NRAP: variants seen among roughly 807,000 people sequenced by gnomAD.
NRAP encodes the protein nebulin related anchoring protein.
A neutral mutation model predicts 225.9 loss-of-function variants in NRAP; 189 were observed. The observed-to-expected ratio is 0.84, with a 90% CI of 0.74 to 0.94. The LOEUF is 0.94. Among genes scored for constraint, NRAP ranks in the 40% least tolerant of loss-of-function variants. NRAP has a pLI of 0.00. For synonymous variants in NRAP, 769 were observed against 790.7 expected (o/e 0.97, Z 0.46); for missense variants, 2,176 against 2,168.7 (o/e 1.00, Z -0.07).
chr10:113,594,701 G>T (rs1846186002), intron 38 of NRAP, among the ~76,000 whole-genome samples: 1 of 152,216 alleles, frequency 6.6e-6, no homozygotes, highest in South Asian at 2.1e-4. Context: ...AAGCACCATC[G>T]CATTCACTGC....
chr10:113,618,519 AT>A (rs1847799605), intron 25 of NRAP, among the ~76,000 whole-genome samples: 1 of 152,260 alleles, frequency 6.6e-6, no homozygotes, highest in African/African-American at 2.4e-5. Flanking sequence ...CAGAGGCAAT[AT>A]GACCTACAAA....
chr10:113,600,155 TTCTCTCTCTC>T (rs10529111), intron 35 of NRAP, among the ~76,000 whole-genome samples: 84 of 140,292 alleles, frequency 6.0e-4, no homozygotes, highest in African/African-American at 1.1e-3. Flanking sequence ...AGGGGTTATA[TTCTCTCTCTC>T]TCTCTCTCTC....
At chr10:113,590,094 T>C (rs1418369514) in intron 40 of NRAP, among the ~76,000 whole-genome samples, 1 of 152,132 alleles carries the variant, frequency 6.6e-6, no homozygotes, top group Non-Finnish European at 1.5e-5. Context: ...TCTGTGGCCT[T>C]AGGGAAGCCA....
intron 39 of NRAP, among the ~76,000 whole-genome samples, chr10:113,591,314 C>T (rs1464085671): frequency 6.6e-6 from 1 of 152,236 alleles, no homozygotes; most frequent in African/African-American, 2.4e-5. Context: ...CAGTGCTCCT[C>T]AAACCATCTA....
intron 7 of NRAP, 106 bp from the exon 8 acceptor site, chr10:113,650,651 C>T (rs1286317235): frequency 4.0e-6 from 3 of 756,514 alleles, no homozygotes; most frequent in South Asian, 1.5e-5. Flanking sequence ...CCTGTCATAG[C>T]TCATAAGGCA....
chr10:113,612,382 G>A lies in NRAP; in HGVS notation c.3350C>T (p.Pro1117Leu), dbSNP rs770785299. The change falls in exon 30 of 42, where the codon CCG (proline) becomes CTG (leucine). Residue 1117 changes from proline to leucine, a missense_variant. By Grantham distance (98) the Pro-to-Leu change is moderately conservative. Transcript: ENST00000359988. ...ATGCACCAGGGCGGCCATGTCCAAC[G>A]GCAGATGGAACTGCGCCTTTGAGTG... ...FEHSKAQFHL[P>L]LDMAALVHAK... 1.2e-5 allele frequency: 19 copies of A among 1,614,042 alleles called. No individual in the cohort carries two copies. The highest frequency in any genetic ancestry group is 1.4e-5 in the Non-Finnish European group (17 of 1,180,018).
intron 39 of NRAP, 100 bp from the exon 40 acceptor site, chr10:113,590,989 A>G (rs1845948635): frequency 9.7e-7 from 1 of 1,033,300 alleles, no homozygotes; most frequent in African/African-American, 1.6e-5. Context: ...CAGGAGGCTC[A>G]AGAGTGGGTT....
intron 4 of NRAP, among the ~76,000 whole-genome samples, chr10:113,657,001 C>T (rs10885487): frequency 0.33 from 49,516 of 151,916 alleles, 8,752 homozygotes; most frequent in African/African-American, 0.48. Context: ...TGTCAACAGA[C>T]AGGGGAGGTG....
At chr10:113,648,822 GA>G (rs546602032) in intron 9 of NRAP, among the ~76,000 whole-genome samples, 42 of 152,182 alleles carry the variant, frequency 2.8e-4, no homozygotes, top group African/African-American at 9.4e-4. Flanking sequence ...TACTAATCAA[GA>G]ACCAGCTATG....
At chr10:113,627,739 A>G (rs1036956711) in intron 20 of NRAP, among the ~76,000 whole-genome samples, 2 of 152,252 alleles carry the variant, frequency 1.3e-5, no homozygotes, top group African/African-American at 2.4e-5. Flanking sequence ...CAGATCAAAC[A>G]CACTGGGTAC....
intron 31 of NRAP, among the ~76,000 whole-genome samples, chr10:113,608,795 T>G (rs978811959): frequency 5.3e-5 from 8 of 152,220 alleles, no homozygotes; most frequent in African/African-American, 1.9e-4. Context: ...TTGTGGTTTG[T>G]TCCAGATCTT....
chr10:113,610,367 A>G, intron 31 of NRAP, 92 bp downstream of exon 31: 2 of 679,972 alleles, frequency 2.9e-6, no homozygotes, highest in East Asian at 5.5e-5. Context: ...AAAAAAAAAA[A>G]AAAAAAGGAA....
intron 5 of NRAP, among the ~76,000 whole-genome samples, chr10:113,653,392 A>T (rs888799006): frequency 6.6e-6 from 1 of 152,216 alleles, no homozygotes; most frequent in Non-Finnish European, 1.5e-5. Flanking sequence ...GTACTACAGT[A>T]TTGGAAGTAA....
At chr10:113,642,202 C>T (rs1288156173) in intron 12 of NRAP, among the ~76,000 whole-genome samples, 1 of 152,102 alleles carries the variant, frequency 6.6e-6, no homozygotes, top group African/African-American at 2.4e-5. Flanking sequence ...GGGGAAGGAA[C>T]TATTATCATC....
intron 4 of NRAP, among the ~76,000 whole-genome samples, chr10:113,656,279 A>G (rs1850302801): frequency 6.6e-6 from 1 of 152,220 alleles, no homozygotes; most frequent in African/African-American, 2.4e-5. Context: ...ATCAATTGCC[A>G]ATCAGAAAAC....
intron 41 of NRAP, 72 bp downstream of exon 41, chr10:113,589,594 G>T: frequency 6.5e-7 from 1 of 1,544,520 alleles, no homozygotes; most frequent in Non-Finnish European, 8.7e-7. Flanking sequence ...AATAAACTTT[G>T]AAAAGAAACA....
At chr10:113,642,355 TAC>T (rs1849251800) in intron 12 of NRAP, among the ~76,000 whole-genome samples, 1 of 152,296 alleles carries the variant, frequency 6.6e-6, no homozygotes, top group Admixed American at 6.5e-5. Flanking sequence ...CACTGTGCCT[TAC>T]ACAGTCCCTT....
In NRAP at chr10:113,651,902, C is replaced by A. The variant is rs1849997796; in HGVS notation, c.576G>T (p.Glu192Asp). 6.2e-7 allele frequency: 1 copy of A among 1,606,854 alleles called. No homozygotes were observed. The highest frequency in any genetic ancestry group is 8.5e-7 in the Non-Finnish European group (1 of 1,173,464). Residue 192 changes from glutamate (E) to aspartate (D), a missense_variant, in exon 7 of 42, where the codon GAG (glutamate) becomes GAT (aspartate). Physicochemically the swap from Glu to Asp is conservative, Grantham distance 45. This residue lies in a region of NRAP where 1,708 missense variants were observed against 1,695.5 expected (regional missense o/e 1.01). Coordinates refer to ENST00000359988, the MANE Select transcript of NRAP (RefSeq NM_198060.4). ...TGCGTTCATCATGCCCTCTCTTATA[C>A]TCCACCTGATGAGAAGACAGTAGAG... ...KKANQLASQV[E>D]YKRGHDERIS...
intron 20 of NRAP, among the ~76,000 whole-genome samples, chr10:113,627,222 C>T (rs997944413): frequency 3.3e-5 from 5 of 152,234 alleles, no homozygotes; most frequent in African/African-American, 1.2e-4. Context: ...AAAACTCCTT[C>T]ACCACATAAC....
Sources: gnomAD v4.1 joint callset for allele counts (sites outside exome capture counted in the v4.1 genomes callset) on GRCh38, gnomAD v4.1.1 for gene constraint, gnomAD v4.1.1 regional missense constraint, MANE v1.5 for transcripts, NCBI Gene and HGNC (gene_info 2026-07-23, HGNC 2026-07-21) for gene names.